DSCAM: variants seen among roughly 807,000 people sequenced by gnomAD.
DSCAM encodes DS cell adhesion molecule.
In DSCAM, 47 loss-of-function variants were observed where a neutral mutation model predicts 217.7. That is an observed-to-expected ratio of 0.22 (90% confidence interval 0.17 to 0.28). DSCAM has a LOEUF of 0.28. Among genes scored for constraint, DSCAM ranks in the 10% least tolerant of loss-of-function variants. The pLI is 1.00. For missense variants in DSCAM, 2,080 were observed against 2,618.3 expected, an observed-to-expected ratio of 0.79 and a Z score of 4.49; for synonymous variants, 1,056 against 1,015.3, an observed-to-expected ratio of 1.04 and a Z score of -0.76.
intron 3 of DSCAM, among the ~76,000 whole-genome samples, chr21:40,621,818 G>A (rs2089521281): frequency 6.7e-6 from 1 of 148,708 alleles, no homozygotes; most frequent in South Asian, 2.1e-4. Flanking sequence ...AGAGTCCAAT[G>A]TACAAAGGGA....
At position 40,044,062 on chromosome 21, in the gene DSCAM, C is replaced by A. The variant is rs201425340; in HGVS notation, c.5383+16G>T. 56 of 1,612,394 alleles carry A rather than the reference C, an allele frequency of 3.5e-5. No homozygotes were observed. Among genetic ancestry groups the A allele is most frequent in the Non-Finnish European group, 1.4e-5 (17 of 1,179,818 alleles). On this transcript the variant is annotated intron_variant, in intron 31 of 32. Transcript: ENST00000400454. ...TGCTGGTCCCCAGGGACGGAGGAGG[C>A]AGCGTCAGGGCCTACCTGTGTCTTG...
Position 40,455,174 on chromosome 21 carries a change from A to C in DSCAM, c.509-85929T>G, listed in dbSNP as rs375526736. Among the ~76,000 whole-genome samples, 46 of 152,328 alleles carry C rather than the reference A, an allele frequency of 3.0e-4. No individual in the cohort carries two copies. The South Asian group carries it at 9.1e-3, about 30-fold the overall frequency. On this transcript the variant is annotated intron_variant, in intron 3 of 32. Coordinates refer to ENST00000400454, the MANE Select transcript of DSCAM (RefSeq NM_001389.5). ...ATTGATATCAATGTAATGTAAGACC[A>C]GGTTCAGAGAAGCACTGGAAAAACA...
In DSCAM at chr21:40,346,916, C is replaced by A. The variant is rs1461948402; in HGVS notation, c.1210+754G>T. ...CCCACCCCACCCAGCAAACACCTGGCAATGTCTGGAGACATTTTTGGTTGT... is the reference window on the plus strand; with the variant it reads ...CCCACCCCACCCAGCAAACACCTGGAAATGTCTGGAGACATTTTTGGTTGT... On this transcript the variant is annotated intron_variant, in intron 6 of 32. Coordinates refer to ENST00000400454, the MANE Select transcript of DSCAM (RefSeq NM_001389.5). Among the ~76,000 whole-genome samples the A allele has an allele frequency of 1.9e-4, 29 of 152,180 alleles. 1 individual carries two copies. The highest frequency in any genetic ancestry group is 1.9e-3 in the Admixed American group (29 of 15,278).
intron 23 of DSCAM, among the ~76,000 whole-genome samples, chr21:40,084,405 G>A (rs1363674298): frequency 2.6e-5 from 4 of 151,938 alleles, no homozygotes; most frequent in East Asian, 1.9e-4. Flanking sequence ...TAGCAGTTCC[G>A]TTCTTCTCAG....
intron 11 of DSCAM, among the ~76,000 whole-genome samples, chr21:40,220,552 T>C (rs1235877919): frequency 6.6e-6 from 1 of 152,206 alleles, no homozygotes; most frequent in Non-Finnish European, 1.5e-5. Context: ...CCATGGTACA[T>C]AAATAGACTA....
intron 3 of DSCAM, among the ~76,000 whole-genome samples, chr21:40,455,383 AAG>A (rs1277768340): frequency 6.6e-6 from 1 of 152,194 alleles, no homozygotes; most frequent in African/African-American, 2.4e-5. Context: ...GAAAGAAAAA[AAG>A]GGAATTAAAA....
chr21:40,331,471 A>G lies in DSCAM; in HGVS notation c.1783+6630T>C, dbSNP rs548182617. On this transcript the variant is annotated intron_variant, in intron 8 of 32. Transcript: ENST00000400454. ...ACTCAGCATTCATTTCCCCACTTGC[A>G]CCAACAGCAATACAGCAAGACATTA... Among the ~76,000 whole-genome samples, 23 of 152,302 alleles carry G rather than the reference A, an allele frequency of 1.5e-4. No homozygotes were observed. The South Asian group carries it at 4.4e-3, about 29-fold the overall frequency.
chr21:40,268,212 C>T (rs1021896457), intron 11 of DSCAM, among the ~76,000 whole-genome samples: 1 of 152,176 alleles, frequency 6.6e-6, no homozygotes, highest in African/African-American at 2.4e-5. Flanking sequence ...TGCTGCATGA[C>T]GGTGAACTAA....
intron 11 of DSCAM, among the ~76,000 whole-genome samples, chr21:40,198,493 G>A (rs1223966447): frequency 6.6e-6 from 1 of 152,132 alleles, no homozygotes; most frequent in South Asian, 2.1e-4. Context: ...TCTCTCAGTC[G>A]AATAGGTGAC....
chr21:40,335,309 C>T (rs2074418887), intron 8 of DSCAM, among the ~76,000 whole-genome samples: 1 of 152,042 alleles, frequency 6.6e-6, no homozygotes, highest in Non-Finnish European at 1.5e-5. Context: ...AAGTTTTATA[C>T]TATATGATAA....
intron 30 of DSCAM, among the ~76,000 whole-genome samples, chr21:40,048,273 G>A (rs780137451): frequency 1.3e-5 from 2 of 152,218 alleles, no homozygotes; most frequent in South Asian, 4.1e-4. Context: ...ATGACTCAAT[G>A]TCTTTTCTTT....
chr21:40,170,371 G>C (rs2090643379), intron 15 of DSCAM, among the ~76,000 whole-genome samples: 1 of 152,202 alleles, frequency 6.6e-6, no homozygotes, highest in Non-Finnish European at 1.5e-5. Context: ...GCTTTGAATG[G>C]GTAAAGCAAT....
At chr21:40,372,232 A>G (rs2074906044) in intron 3 of DSCAM, among the ~76,000 whole-genome samples, 1 of 152,172 alleles carries the variant, frequency 6.6e-6, no homozygotes, top group South Asian at 2.1e-4. Flanking sequence ...AAAGGTTTCC[A>G]TGTCATATGG....
At chr21:40,065,264 C>CA (rs1446148279) in intron 27 of DSCAM, among the ~76,000 whole-genome samples, 4 of 151,820 alleles carry the variant, frequency 2.6e-5, no homozygotes, top group African/African-American at 9.7e-5. Context: ...TATCGGGGGA[C>CA]ATTAGGTGAG....
intron 8 of DSCAM, among the ~76,000 whole-genome samples, chr21:40,323,489 T>C (rs1286242603): frequency 6.6e-6 from 1 of 152,142 alleles, no homozygotes; most frequent in Non-Finnish European, 1.5e-5. Context: ...TATCTTGTTA[T>C]TTTCCCTCAG....
Position 40,187,111 on chromosome 21 carries a change from G to A in DSCAM, c.2779+20C>T, listed in dbSNP as rs759669341. On this transcript the variant is annotated intron_variant, in intron 14 of 32. Coordinates refer to ENST00000400454, the MANE Select transcript of DSCAM (RefSeq NM_001389.5). ...AACTTTCTGAGGTGGAAGGGAAGCT[G>A]GAGGAAGTAAAGAACTTACCTGATT... 2.5e-6 allele frequency: 4 copies of A among 1,611,162 alleles called. No individual in the cohort carries two copies. The highest frequency in any genetic ancestry group is 3.4e-6 in the Non-Finnish European group (4 of 1,178,768).
rs748466528 is a variant in DSCAM at position 40,347,651 on chromosome 21, T to C, written c.1210+19A>G. On this transcript the variant is annotated intron_variant, in intron 6 of 32. Transcript: ENST00000400454. ...TTTGGGTTCTTTTTCAGCCATACCC[T>C]GAAACGAGGCCCACTGACCTTCAAG... The C allele has an allele frequency of 8.7e-6, 14 of 1,612,720 alleles. No homozygotes were observed. In the Admixed American group the frequency reaches 2.2e-4, roughly 25 times the overall value.
At chr21:40,346,690 G>A (rs1347878424) in intron 6 of DSCAM, among the ~76,000 whole-genome samples, 7 of 151,914 alleles carry the variant, frequency 4.6e-5, no homozygotes, top group African/African-American at 9.7e-5. Flanking sequence ...AAAGCAAATC[G>A]TATCACATAT....
At chr21:40,455,848 T>A (rs1418461165) in intron 3 of DSCAM, among the ~76,000 whole-genome samples, 3 of 151,734 alleles carry the variant, frequency 2.0e-5, no homozygotes, top group Admixed American at 6.6e-5. Flanking sequence ...GATAGATAGA[T>A]GATAAATAGA....
Sources: gnomAD v4.1 joint callset for allele counts (sites outside exome capture counted in the v4.1 genomes callset) on GRCh38, gnomAD v4.1.1 for gene constraint, MANE v1.5 for transcripts, NCBI Gene and HGNC (gene_info 2026-07-23, HGNC 2026-07-21) for gene names.